The following PLXDC2 variants were observed in gnomAD, a reference collection of about 807,000 sequenced individuals.
The protein encoded by PLXDC2 is plexin domain-containing protein 2.
PLXDC2 carries 40 observed loss-of-function variants against 68.9 expected under a neutral mutation model. That is an observed-to-expected ratio of 0.58 (90% CI 0.45 to 0.76). The LOEUF (loss-of-function observed/expected upper bound fraction) is 0.76, where lower values mean the gene tolerates loss of function less well. Among genes scored for constraint, PLXDC2 ranks in the 30% least tolerant of loss-of-function variants. The pLI is 0.00. For synonymous variants in PLXDC2, 243 were observed against 234.2 expected (o/e 1.04, Z -0.34); for missense variants, 644 against 661.9 (o/e 0.97, Z 0.30).
intron 9 of PLXDC2, among the ~76,000 whole-genome samples, chr10:20,198,639 T>C (rs542523721): frequency 6.6e-6 from 1 of 152,194 alleles, no homozygotes; most frequent in East Asian, 1.9e-4. Context: ...ATTAATGAAA[T>C]CATTAGCTTT....
At chr10:19,939,039 A>T (rs1833773011) in intron 1 of PLXDC2, among the ~76,000 whole-genome samples, 1 of 152,240 alleles carries the variant, frequency 6.6e-6, no homozygotes, top group South Asian at 2.1e-4. Flanking sequence ...TATAACGATG[A>T]GGGAGTAATA....
At chr10:20,158,501 C>CAAAAAAAAAAAAAAAAAAAA (rs59079629) in intron 6 of PLXDC2, among the ~76,000 whole-genome samples, 8 of 118,774 alleles carry the variant, frequency 6.7e-5, no homozygotes, top group Non-Finnish European at 1.0e-4. Flanking sequence ...TCTGTCTCTG[C>CAAAAAAAAAAAAAAAAAAAA]AAAAAAAAAA....
chr10:19,863,616 A>C (rs1837358295), intron 1 of PLXDC2, among the ~76,000 whole-genome samples: 2 of 152,180 alleles, frequency 1.3e-5, no homozygotes. Context: ...GAATAAGTTA[A>C]TGACTTAGTA....
At chr10:19,864,073 G>A (rs1236661434) in intron 1 of PLXDC2, among the ~76,000 whole-genome samples, 2 of 152,168 alleles carry the variant, frequency 1.3e-5, no homozygotes, top group Non-Finnish European at 2.9e-5. Context: ...GGAGTGCAGT[G>A]ATGTGATCAT....
chr10:20,197,320 G>A (rs944116230), intron 9 of PLXDC2, among the ~76,000 whole-genome samples: 5 of 152,050 alleles, frequency 3.3e-5, no homozygotes, highest in Non-Finnish European at 7.4e-5. Flanking sequence ...ATCAGCTTCA[G>A]ATTATTATTT....
Position 20,006,684 on chromosome 10 carries a change from A to AT in PLXDC2, c.324+4704dup, listed in dbSNP as rs1035264485. 2.6e-5 allele frequency among the ~76,000 whole-genome samples: 4 copies of AT among 152,190 alleles called. No individual in the cohort carries two copies. The South Asian group carries it at 6.2e-4, about 24-fold the overall frequency. On this transcript the variant is annotated intron_variant, in intron 2 of 13. Transcript: ENST00000377252. ...TCTTCACTTGGTACTTGGTGACAGT[A>AT]TTTTTTCTGGCTCTTCACAAGAACA...
At chr10:19,829,154 CTTTTTTT>C (rs71388870) in intron 1 of PLXDC2, among the ~76,000 whole-genome samples, 45,591 of 96,512 alleles carry the variant, frequency 0.47, 7,987 homozygotes, top group Middle Eastern at 0.57. Flanking sequence ...ACGCTTTCCT[CTTTTTTT>C]TTTTTTTTTT....
chr10:20,035,891 T>C (rs2131671780), intron 2 of PLXDC2, among the ~76,000 whole-genome samples: 1 of 152,236 alleles, frequency 6.6e-6, no homozygotes, highest in South Asian at 2.1e-4. Flanking sequence ...TAGAAGTTGA[T>C]TCTGAGTAAA....
chr10:20,054,783 A>T (rs1244727911), intron 3 of PLXDC2, among the ~76,000 whole-genome samples: 1 of 151,984 alleles, frequency 6.6e-6, no homozygotes, highest in Non-Finnish European at 1.5e-5. Context: ...CAGCACACCA[A>T]CATGGCACAT....
intron 12 of PLXDC2, among the ~76,000 whole-genome samples, chr10:20,234,328 C>T (rs1178961549): frequency 3.3e-5 from 5 of 152,170 alleles, no homozygotes; most frequent in Non-Finnish European, 5.9e-5. Flanking sequence ...TAAACGTGTT[C>T]TGTTCCACAT....
At chr10:20,143,689 T>C (rs1470337084) in intron 5 of PLXDC2, among the ~76,000 whole-genome samples, 3 of 152,084 alleles carry the variant, frequency 2.0e-5, no homozygotes, top group African/African-American at 7.2e-5. Flanking sequence ...TATTTGATGC[T>C]ATTTCAATAA....
At chr10:20,178,360 TTGTTTTG>T (rs1244295856) in intron 9 of PLXDC2, among the ~76,000 whole-genome samples, 1 of 152,140 alleles carries the variant, frequency 6.6e-6, no homozygotes, top group African/African-American at 2.4e-5. Flanking sequence ...ACTTGTAAAT[TTGTTTTG>T]TTATTTACTC....
chr10:19,930,160 C>T (rs1167881812), intron 1 of PLXDC2, among the ~76,000 whole-genome samples: 1 of 152,034 alleles, frequency 6.6e-6, no homozygotes, highest in Non-Finnish European at 1.5e-5. Flanking sequence ...AGGCATTATA[C>T]TCTTCTTAGG....
chr10:19,862,219 A>C (rs1304360600), intron 1 of PLXDC2, among the ~76,000 whole-genome samples: 1 of 152,346 alleles, frequency 6.6e-6, no homozygotes, highest in Non-Finnish European at 1.5e-5. Flanking sequence ...TCCAACTAGC[A>C]TCTTGAATCA....
rs113122905 is a variant in PLXDC2, at chr10:19,866,416, G to A, written c.112+49225G>A. ...GTTGCATTTCTCTGATCTTTCTTCCGTGGGACACCGCTGGCTAAATCTCCT... is the reference window on the plus strand; with the variant it reads ...GTTGCATTTCTCTGATCTTTCTTCCATGGGACACCGCTGGCTAAATCTCCT... On this transcript the variant is annotated intron_variant, in intron 1 of 13. Transcript: ENST00000377252. Among the ~76,000 whole-genome samples the A allele has an allele frequency of 2.8e-4, 43 of 152,158 alleles. No individual in the cohort carries two copies. In the South Asian group the frequency reaches 5.0e-3, roughly 18 times the overall value.
In PLXDC2 at chr10:20,167,245, T is replaced by G. The variant is rs891083125; in HGVS notation, c.883+2678T>G. On this transcript the variant is annotated intron_variant, in intron 7 of 13. Transcript: ENST00000377252. ...ATCTCCTTAAAAGTCTCTCCCACAT[T>G]TATAAAGTATAACTGTGTCTGTTGC... Among the ~76,000 whole-genome samples, 14 of 152,278 alleles carry G rather than the reference T, an allele frequency of 9.2e-5. No individual in the cohort carries two copies. In the East Asian group the frequency reaches 2.5e-3, roughly 27 times the overall value.
intron 9 of PLXDC2, among the ~76,000 whole-genome samples, chr10:20,184,647 C>G (rs1298169429): frequency 6.6e-6 from 1 of 151,808 alleles, no homozygotes; most frequent in Non-Finnish European, 1.5e-5. Context: ...AGTTTGGAAA[C>G]AGACAGAGAC....
chr10:20,256,513 C>T (rs1007100483), intron 13 of PLXDC2, among the ~76,000 whole-genome samples: 4 of 151,806 alleles, frequency 2.6e-5, no homozygotes, highest in East Asian at 3.9e-4. Context: ...ATATTTGCTT[C>T]GTAAAAAGAA....
chr10:20,236,701 T>A (rs951842), intron 12 of PLXDC2, among the ~76,000 whole-genome samples: 8,961 of 152,164 alleles, frequency 0.059, 384 homozygotes, highest in East Asian at 0.16. Flanking sequence ...AAACCTTCTC[T>A]TTTTTCAATT....
Sources: gnomAD v4.1 joint callset for allele counts (sites outside exome capture counted in the v4.1 genomes callset) on GRCh38, gnomAD v4.1.1 for gene constraint, MANE v1.5 for transcripts, NCBI Gene and HGNC (gene_info 2026-07-23, HGNC 2026-07-21) for gene names.